The following SNAP25 variants were observed in gnomAD, a reference collection of about 807,000 sequenced individuals.
SNAP25 encodes the protein synaptosome associated protein 25.
SNAP25 carries 3 observed loss-of-function variants against 28.7 expected under a neutral mutation model. The ratio of observed to expected loss-of-function variants is 0.10; its 90% CI spans 0.05 to 0.27. The LOEUF (loss-of-function observed/expected upper bound fraction) is 0.27, where lower values mean the gene tolerates loss of function less well. SNAP25 is among the 10% of genes least tolerant of loss of function. The pLI is 1.00. For missense variants in SNAP25, 117 were observed against 278.7 expected, an observed-to-expected ratio of 0.42 and a Z score of 4.13; for synonymous variants, 61 against 88.1, an observed-to-expected ratio of 0.69 and a Z score of 1.72.
chr20:10,238,068 T>C (rs1340564814), intron 1 of SNAP25, among the ~76,000 whole-genome samples: 1 of 152,198 alleles, frequency 6.6e-6, no homozygotes, highest in African/African-American at 2.4e-5. Context: ...CTCCTTACCC[T>C]AGGGGCTGGG....
At chr20:10,245,610 C>T (rs952315173) in intron 1 of SNAP25, among the ~76,000 whole-genome samples, 2 of 152,288 alleles carry the variant, frequency 1.3e-5, no homozygotes, top group Non-Finnish European at 2.9e-5. Context: ...AGTTTCACCC[C>T]GGGCGTGTGC....
chr20:10,289,222 G>A (rs770525733), intron 4 of SNAP25, among the ~76,000 whole-genome samples: 38 of 152,212 alleles, frequency 2.5e-4, no homozygotes, highest in Non-Finnish European at 4.7e-4. Flanking sequence ...AACCAGACCT[G>A]GAAACGTACT....
intron 1 of SNAP25, among the ~76,000 whole-genome samples, chr20:10,264,519 T>TC (rs1255721711): frequency 6.6e-6 from 1 of 152,220 alleles, no homozygotes; most frequent in African/African-American, 2.4e-5. Flanking sequence ...AGAAGCATAC[T>TC]AATGGTGTTT....
intron 1 of SNAP25, among the ~76,000 whole-genome samples, chr20:10,274,076 A>G (rs1029519663): frequency 1.7e-4 from 26 of 152,098 alleles, no homozygotes; most frequent in African/African-American, 6.0e-4. Flanking sequence ...TATCTTGTCC[A>G]TCACTGTATC....
intron 1 of SNAP25, among the ~76,000 whole-genome samples, chr20:10,255,181 C>T (rs114895626): frequency 2.0e-3 from 303 of 152,280 alleles, no homozygotes; most frequent in African/African-American, 6.9e-3. Flanking sequence ...ATAAGAATAA[C>T]GGTTGTGACA....
chr20:10,306,498 G>T lies in SNAP25; in HGVS notation c.*301G>T. 1 of 274,100 alleles carries T rather than the reference G, an allele frequency of 3.6e-6. No individual in the cohort carries two copies. Among genetic ancestry groups the T allele is most frequent in the Non-Finnish European group, 6.9e-6 (1 of 144,692 alleles). 17.0% of individuals were successfully genotyped at this position (274,100 alleles called of 1,614,324 possible). Reference sequence around the variant, plus strand: ...GCATTTGCTGAATAACAACAATTTAGGAATGCTCAATGTGCTGTTGATTCT... The same window carrying T: ...GCATTTGCTGAATAACAACAATTTATGAATGCTCAATGTGCTGTTGATTCT... On this transcript the variant is annotated 3_prime_UTR_variant, in exon 8 of 8. Coordinates refer to ENST00000254976, the MANE Select transcript of SNAP25 (RefSeq NM_130811.4).
At chr20:10,287,319 A>C (rs1194547340) in intron 4 of SNAP25, among the ~76,000 whole-genome samples, 2 of 152,160 alleles carry the variant, frequency 1.3e-5, no homozygotes, top group African/African-American at 4.8e-5. Flanking sequence ...CAAGAAAAAA[A>C]CAAATAACCC....
At chr20:10,282,146 GGGAA>G (rs1352039975) in intron 3 of SNAP25, among the ~76,000 whole-genome samples, 20 of 126,422 alleles carry the variant, frequency 1.6e-4, no homozygotes, top group African/African-American at 9.4e-5. Context: ...GAAGGAAGGA[GGGAA>G]GGAAGGAAGG....
chr20:10,253,219 G>A (rs1044613309), intron 1 of SNAP25, among the ~76,000 whole-genome samples: 5 of 152,164 alleles, frequency 3.3e-5, no homozygotes, highest in African/African-American at 9.7e-5. Context: ...CAAACCGCAA[G>A]GAGTAGATGA....
At chr20:10,222,516 G>A (rs2062652995) in intron 1 of SNAP25, among the ~76,000 whole-genome samples, 1 of 152,184 alleles carries the variant, frequency 6.6e-6, no homozygotes, top group East Asian at 1.9e-4. Flanking sequence ...GATTTGGGTG[G>A]AGTGGGAAGC....
At chr20:10,235,613 A>G (rs1264022726) in intron 1 of SNAP25, among the ~76,000 whole-genome samples, 1 of 152,196 alleles carries the variant, frequency 6.6e-6, no homozygotes, top group Non-Finnish European at 1.5e-5. Flanking sequence ...TTTTTCTTGT[A>G]TAACAAACCA....
chr20:10,307,187 A>T lies in SNAP25; in HGVS notation c.*990A>T, dbSNP rs1235602507. 1 of 152,630 alleles carries T rather than the reference A, an allele frequency of 6.6e-6. No individual in the cohort carries two copies. The highest frequency in any genetic ancestry group is 1.5e-5 in the Non-Finnish European group (1 of 68,038). 9.5% of individuals were successfully genotyped at this position (152,630 alleles called of 1,614,324 possible). On this transcript the variant is annotated 3_prime_UTR_variant, in exon 8 of 8. Coordinates refer to ENST00000254976, the MANE Select transcript of SNAP25 (RefSeq NM_130811.4). ...ACCACCATTTCCCCTGTGGTTTGTT[A>T]TCAGTACAATTCTTTGTTGCTTAAT...
At chr20:10,274,342 A>G (rs1050945763) in intron 1 of SNAP25, among the ~76,000 whole-genome samples, 1 of 152,116 alleles carries the variant, frequency 6.6e-6, no homozygotes, top group East Asian at 1.9e-4. Flanking sequence ...TAGATGAAAG[A>G]TTTTCTGCCT....
At chr20:10,290,016 G>T (rs1004744586) in intron 4 of SNAP25, among the ~76,000 whole-genome samples, 1 of 151,502 alleles carries the variant, frequency 6.6e-6, no homozygotes, top group Non-Finnish European at 1.5e-5. Context: ...TCTCCTCCCA[G>T]CCCCCAAGAA....
At chr20:10,238,475 G>A (rs2062962743) in intron 1 of SNAP25, among the ~76,000 whole-genome samples, 2 of 152,098 alleles carry the variant, frequency 1.3e-5, no homozygotes, top group South Asian at 4.1e-4. Flanking sequence ...GTCTCAGGGG[G>A]GCTCCACAGT....
chr20:10,247,995 C>T (rs2063158692), intron 1 of SNAP25, among the ~76,000 whole-genome samples: 1 of 152,210 alleles, frequency 6.6e-6, no homozygotes, highest in South Asian at 2.1e-4. Flanking sequence ...TGATTTCTCT[C>T]TGTTCCACAG....
intron 7 of SNAP25, among the ~76,000 whole-genome samples, chr20:10,303,356 A>C (rs2064284948): frequency 6.6e-6 from 1 of 152,260 alleles, no homozygotes; most frequent in African/African-American, 2.4e-5. Flanking sequence ...TGATTTTAAA[A>C]GACAAGTGTC....
At position 10,306,866 on chromosome 20, in the gene SNAP25, A is replaced by G. The variant is rs1287751881; in HGVS notation, c.*669A>G. 6.5e-6 allele frequency: 1 copy of G among 154,434 alleles called. No individual in the cohort carries two copies. Among genetic ancestry groups the G allele is most frequent in the African/African-American group, 2.4e-5 (1 of 41,490 alleles). The allele number at this position is 154,434 out of a possible 1,614,324, so 9.6% of individuals were successfully genotyped here. The stretch of plus-strand genomic sequence containing the variant: ...CAACAACAAAGCATGCTCAGTATTG[A>G]GACACTGTCAAGATTAAGTTATACC... On this transcript the variant is annotated 3_prime_UTR_variant, in exon 8 of 8. Coordinates refer to ENST00000254976, the MANE Select transcript of SNAP25 (RefSeq NM_130811.4).
intron 1 of SNAP25, among the ~76,000 whole-genome samples, chr20:10,258,806 T>G: frequency 6.6e-6 from 1 of 152,198 alleles, no homozygotes. Context: ...TTTATCATCA[T>G]GTGGAGCTCT....
Sources: allele counts gnomAD v4.1 joint callset (sites outside exome capture counted in the v4.1 genomes callset), GRCh38; gene constraint gnomAD v4.1.1; transcripts MANE v1.5; gene names NCBI Gene and HGNC (gene_info 2026-07-23, HGNC 2026-07-21).